PPFIBP1: variants seen among roughly 807,000 people sequenced by gnomAD.
PPFIBP1 encodes the protein PPFIB scaffold protein 1, also known as liprin-beta-1.
PPFIBP1 carries 112 observed loss-of-function variants against 137.8 expected under a neutral mutation model. The observed-to-expected ratio is 0.81, with a 90% CI of 0.70 to 0.95. PPFIBP1 has a LOEUF of 0.95. Ranked by LOEUF, PPFIBP1 falls within the 40% of genes least tolerant of loss-of-function variation. The pLI, the probability that PPFIBP1 is intolerant of heterozygous loss-of-function variation, is 0.00. For synonymous variants in PPFIBP1, 378 were observed against 417.3 expected, an observed-to-expected ratio of 0.91 and a Z score of 1.15; for missense variants, 1,083 against 1,196.6, an observed-to-expected ratio of 0.91 and a Z score of 1.40.
chr12:27,593,712 T>G, intron 2 of PPFIBP1: 3 of 612,058 alleles, frequency 4.9e-6, no homozygotes, highest in Non-Finnish European at 2.9e-6. Context: ...GTTGGCTCCA[T>G]TTAGAAGCCT....
chr12:27,662,229 C>T lies in PPFIBP1; in HGVS notation c.906+1284C>T, dbSNP rs1054323476. Reference sequence around the variant, plus strand: ...AGGGTCCATGAATCAAAACTTGTCTCGAGACCAGGTTTGAAACAGCGCAGT... The same window carrying T: ...AGGGTCCATGAATCAAAACTTGTCTTGAGACCAGGTTTGAAACAGCGCAGT... On this transcript the variant is annotated intron_variant, in intron 11 of 29. Transcript: ENST00000228425. 5.3e-5 allele frequency among the ~76,000 whole-genome samples: 8 copies of T among 152,288 alleles called. No homozygotes were observed. The South Asian group carries it at 6.2e-4, about 12-fold the overall frequency.
intron 8 of PPFIBP1, among the ~76,000 whole-genome samples, chr12:27,655,563 A>G (rs1295304632): frequency 6.6e-6 from 1 of 152,200 alleles, no homozygotes; most frequent in Non-Finnish European, 1.5e-5. Flanking sequence ...AGTAGAGGTC[A>G]TTTTCCTCTT....
chr12:27,544,927 A>G (rs957227911), intron 1 of PPFIBP1, among the ~76,000 whole-genome samples: 2 of 152,216 alleles, frequency 1.3e-5, no homozygotes, highest in African/African-American at 2.4e-5. Context: ...ATAAAGATAC[A>G]TGCACACGTG....
chr12:27,689,724 C>T (rs1475287158), intron 27 of PPFIBP1, among the ~76,000 whole-genome samples: 1 of 152,134 alleles, frequency 6.6e-6, no homozygotes, highest in African/African-American at 2.4e-5. Context: ...GCTTGTGGGA[C>T]CCTCCCTTAA....
chr12:27,676,398 G>A, intron 17 of PPFIBP1, 30 bp from the exon 18 acceptor site: 1 of 1,441,476 alleles, frequency 6.9e-7, no homozygotes, highest in Non-Finnish European at 9.2e-7. Flanking sequence ...GCACCTGAGA[G>A]CTGTTTCACT....
chr12:27,601,911 G>A (rs1000799039), intron 2 of PPFIBP1, among the ~76,000 whole-genome samples: 8 of 152,106 alleles, frequency 5.3e-5, no homozygotes, highest in African/African-American at 1.9e-4. Flanking sequence ...AGCCACATGT[G>A]GCTACTAAAA....
chr12:27,634,801 T>C, intron 3 of PPFIBP1, 109 bp from the exon 4 acceptor site: 1 of 908,734 alleles, frequency 1.1e-6, no homozygotes, highest in South Asian at 1.6e-5. Flanking sequence ...CTTTTTTCTG[T>C]TTCTTTTGAT....
chr12:27,592,771 G>A (rs1345727437), intron 2 of PPFIBP1: 7 of 806,760 alleles, frequency 8.7e-6, no homozygotes, highest in Non-Finnish European at 1.3e-5. Context: ...TAAAGAATAT[G>A]TTAGGTAGGC....
intron 7 of PPFIBP1, among the ~76,000 whole-genome samples, chr12:27,651,597 G>T (rs1398395918): frequency 6.6e-6 from 1 of 151,936 alleles, no homozygotes; most frequent in Non-Finnish European, 1.5e-5. Context: ...CCCCATAGTC[G>T]CAGGGTAAAG....
rs1342709781 is a variant in PPFIBP1 at position 27,602,758 on chromosome 12, A to G, written c.-36+24519A>G. ...ATTCAAATGCTAACTACCCCAGGGT[A>G]TAGGTTAAAAATAATTACTACCCTT... On this transcript the variant is annotated intron_variant, in intron 2 of 29. Transcript: ENST00000228425. Among the ~76,000 whole-genome samples the G allele has an allele frequency of 2.6e-5, 4 of 152,366 alleles. No homozygotes were observed. The East Asian group carries it at 5.8e-4, about 22-fold the overall frequency.
In PPFIBP1 at chr12:27,553,595, A is replaced by G. The variant is rs116727971; in HGVS notation, c.-123-24557A>G. Among the ~76,000 whole-genome samples the G allele has an allele frequency of 2.8e-3, 425 of 152,286 alleles. 2 individuals carry two copies. The highest frequency in any genetic ancestry group is 9.6e-3 in the African/African-American group (398 of 41,556). ...TGACCTATGAATTAAATAGGAAGCA[A>G]TTCTTGTCTACAAAGTTTATCTCCA... On this transcript the variant is annotated intron_variant, in intron 1 of 29. Coordinates refer to ENST00000228425, the MANE Select transcript of PPFIBP1 (RefSeq NM_003622.4).
At chr12:27,577,843 A>T (rs761437408) in intron 1 of PPFIBP1, among the ~76,000 whole-genome samples, 3 of 152,140 alleles carry the variant, frequency 2.0e-5, no homozygotes, top group Non-Finnish European at 2.9e-5. Flanking sequence ...ATGTGCTACT[A>T]CTACTTTGTG....
chr12:27,671,945 G>A (rs1010934814), intron 14 of PPFIBP1, among the ~76,000 whole-genome samples: 1 of 152,088 alleles, frequency 6.6e-6, no homozygotes, highest in Non-Finnish European at 1.5e-5. Flanking sequence ...GGTGGCACAC[G>A]CCTGTAATCC....
chr12:27,570,051 G>A (rs111899803), intron 1 of PPFIBP1, among the ~76,000 whole-genome samples: 3,491 of 151,992 alleles, frequency 0.023, 61 homozygotes, highest in Non-Finnish European at 0.036. Context: ...CTACAACATC[G>A]CCACCGGTGA....
intron 1 of PPFIBP1, among the ~76,000 whole-genome samples, chr12:27,559,175 G>A (rs902021511): frequency 4.8e-5 from 5 of 103,970 alleles, no homozygotes; most frequent in African/African-American, 1.4e-4. Flanking sequence ...GCCCTTAATA[G>A]TGATTTTTTT....
rs191946138 is a variant in PPFIBP1, at chr12:27,676,414, T to C, written c.1411-14T>C. On this transcript the variant is annotated splice_polypyrimidine_tract_variant and intron_variant, in intron 17 of 29. Coordinates refer to ENST00000228425, the MANE Select transcript of PPFIBP1 (RefSeq NM_003622.4). The stretch of plus-strand genomic sequence containing the variant: ...CACCTGAGAGCTGTTTCACTATTCT[T>C]ATTTGCCTCTCAGGACAGAGCTCCG... The C allele has an allele frequency of 4.0e-3, 5,859 of 1,471,630 alleles. 14 individuals carry two copies. The highest frequency in any genetic ancestry group is 5.8e-3 in the Middle Eastern group (30 of 5,184). 91.2% of individuals were successfully genotyped at this position (1,471,630 alleles called of 1,614,324 possible).
chr12:27,664,549 CA>C, intron 12 of PPFIBP1, 103 bp downstream of exon 12: 2 of 752,190 alleles, frequency 2.7e-6, no homozygotes. Flanking sequence ...CCCATTGTCC[CA>C]AATTAGGTAG....
chr12:27,688,370 T>G lies in PPFIBP1; in HGVS notation c.2443T>G (p.Leu815Val). Residue 815 changes from leucine to valine, a missense_variant, in exon 26 of 30, where the codon TTG becomes GTG. Coordinates refer to ENST00000228425, the MANE Select transcript of PPFIBP1 (RefSeq NM_003622.4). The part of the protein sequence containing the change: ...RVMEWLRSVD[L>V]AEYAPNLRGS... ...GATGGAGTGGCTGCGCTCCGTGGACTTGGCAGAATATGCGCCCAATCTCAG... is the reference window on the plus strand; with the variant it reads ...GATGGAGTGGCTGCGCTCCGTGGACGTGGCAGAATATGCGCCCAATCTCAG... 6.2e-7 allele frequency: 1 copy of G among 1,614,158 alleles called. No homozygotes were observed. The highest frequency in any genetic ancestry group is 8.5e-7 in the Non-Finnish European group (1 of 1,180,010).
chr12:27,659,894 G>A (rs2059437213), intron 10 of PPFIBP1, among the ~76,000 whole-genome samples: 1 of 152,086 alleles, frequency 6.6e-6, no homozygotes, highest in Non-Finnish European at 1.5e-5. Flanking sequence ...ACAGTAAGCT[G>A]TGATTGTGCC....
Sources: allele counts gnomAD v4.1 joint callset (sites outside exome capture counted in the v4.1 genomes callset), GRCh38; gene constraint gnomAD v4.1.1; transcripts MANE v1.5; gene names NCBI Gene and HGNC (gene_info 2026-07-23, HGNC 2026-07-21).